CLEC2A: variants seen among roughly 807,000 people sequenced by gnomAD.
The protein encoded by CLEC2A is keratinocyte-associated C-type lectin.
In CLEC2A, 19 loss-of-function variants were observed where a neutral mutation model predicts 18.6. That is an observed-to-expected ratio of 1.02 (90% CI 0.71 to 1.50). The LOEUF (loss-of-function observed/expected upper bound fraction) is 1.50, where lower values mean the gene tolerates loss of function less well. Among genes scored for constraint, CLEC2A ranks in the 40% most tolerant of loss-of-function variants. The pLI, the probability that CLEC2A is intolerant of heterozygous loss-of-function variation, is 0.00. For synonymous variants in CLEC2A, 74 were observed against 64.0 expected (o/e 1.16, Z -0.75); for missense variants, 190 against 207.9 (o/e 0.91, Z 0.53).
intron 1 of CLEC2A, 34 bp downstream of exon 1, chr12:9,932,241 T>C (rs537899476): frequency 6.9e-7 from 1 of 1,440,102 alleles, no homozygotes; most frequent in African/African-American, 1.4e-5. Flanking sequence ...TTATCTTTCC[T>C]TTACTTCCTT....
rs148211949 is a variant in CLEC2A at position 9,907,137 on chromosome 12, C to T, written c.411-8161G>A. ...CACCCACTTGTACTAGGTTTAAAAC[C>T]TTTGACAGGAAGGCTACAGGCTGCC... On this transcript the variant is annotated intron_variant, in intron 4 of 4. Coordinates refer to the CLEC2A transcript ENST00000339766. 8.5e-5 allele frequency among the ~76,000 whole-genome samples: 13 copies of T among 152,246 alleles called. No individual in the cohort carries two copies. In the East Asian group the frequency reaches 2.1e-3, roughly 25 times the overall value.
the CLEC2A span, among the ~76,000 whole-genome samples, chr12:9,880,534 G>A: frequency 6.6e-6 from 1 of 152,072 alleles, no homozygotes; most frequent in South Asian, 2.1e-4. Context: ...GTGTGTGTGT[G>A]TGTGTGTGTG....
chr12:9,884,923 C>G, the CLEC2A span: 2 of 958,002 alleles, frequency 2.1e-6, no homozygotes, highest in Non-Finnish European at 2.9e-6. Context: ...TTCTAAAATT[C>G]AACATTTCAG....
intron 1 of CLEC2A, among the ~76,000 whole-genome samples, chr12:9,929,695 A>C (rs1565536850): frequency 6.6e-6 from 1 of 152,192 alleles, no homozygotes; most frequent in African/African-American, 2.4e-5. Flanking sequence ...TTTCATAAGA[A>C]GATGAGTCTG....
In CLEC2A at chr12:9,926,388, C is replaced by T. The variant is rs561051886; in HGVS notation, c.56-45G>A. The T allele has an allele frequency of 1.3e-5, 15 of 1,187,506 alleles. No individual in the cohort carries two copies. In the South Asian group the frequency reaches 1.8e-4, roughly 14 times the overall value. The allele number at this position is 1,187,506 out of a possible 1,614,324, so 73.6% of individuals were successfully genotyped here. A position where few individuals can be genotyped will look rare whatever the true frequency, so the allele number is the denominator to read the frequency against. ...ATATTTTACAATTTCTGAATAAACA[C>T]TGACTCGATATTATTACTGGTGTAT... On this transcript the variant is annotated intron_variant, in intron 1 of 4. Coordinates refer to ENST00000455827, the MANE Select transcript of CLEC2A (RefSeq NM_001130711.2).
At chr12:9,884,949 C>T in the CLEC2A span, 17 of 1,247,988 alleles carry the variant, frequency 1.4e-5, no homozygotes, top group Middle Eastern at 4.0e-4. Flanking sequence ...TCCCTATATC[C>T]ACAATATTAT....
chr12:9,889,292 G>A, the CLEC2A span, among the ~76,000 whole-genome samples: 3 of 152,178 alleles, frequency 2.0e-5, no homozygotes, highest in Admixed American at 6.5e-5. Context: ...TTAATTTTCT[G>A]TGTCAACTTG....
At chr12:9,897,485 G>A (rs779382087), downstream of CLEC2A, among the ~76,000 whole-genome samples, 1 of 151,376 alleles carries the variant, frequency 6.6e-6, no homozygotes, top group Non-Finnish European at 1.5e-5. Context: ...CTTGTCACAC[G>A]ACCAGGAAAA....
downstream of CLEC2A, among the ~76,000 whole-genome samples, chr12:9,896,197 A>G (rs1862753866): frequency 6.6e-6 from 1 of 152,202 alleles, no homozygotes; most frequent in Admixed American, 6.5e-5. Flanking sequence ...GGAAGGAAAG[A>G]AGCAGTATAT....
chr12:9,897,147 A>C (rs1862765838), downstream of CLEC2A, among the ~76,000 whole-genome samples: 1 of 152,214 alleles, frequency 6.6e-6, no homozygotes, highest in Non-Finnish European at 1.5e-5. Context: ...GGCATGAGCC[A>C]CCGTGTCTAG....
the CLEC2A span, among the ~76,000 whole-genome samples, chr12:9,889,695 T>C: frequency 6.6e-6 from 1 of 151,760 alleles, no homozygotes; most frequent in South Asian, 2.1e-4. Flanking sequence ...TATACACACA[T>C]ATATACATAT....
chr12:9,884,938 C>T, the CLEC2A span: 5 of 1,143,560 alleles, frequency 4.4e-6, no homozygotes, highest in African/African-American at 6.4e-5. Flanking sequence ...TTTCAGATTT[C>T]TCCCTATATC....
chr12:9,889,787 A>G, the CLEC2A span, among the ~76,000 whole-genome samples: 1 of 152,054 alleles, frequency 6.6e-6, no homozygotes, highest in Non-Finnish European at 1.5e-5. Flanking sequence ...GTGGATAAGA[A>G]CATAGGCTAT....
chr12:9,887,907 TTAGCTGGGTG>T, the CLEC2A span, among the ~76,000 whole-genome samples: 1 of 150,884 alleles, frequency 6.6e-6, no homozygotes, highest in Non-Finnish European at 1.5e-5. Flanking sequence ...TACACAAAAA[TTAGCTGGGTG>T]TGGAAGTGTG....
intron 4 of CLEC2A, among the ~76,000 whole-genome samples, chr12:9,901,175 T>G (rs1379682395): frequency 1.3e-5 from 2 of 152,240 alleles, no homozygotes; most frequent in Non-Finnish European, 2.9e-5. Context: ...ATGTTTTGCT[T>G]GACATTCGTG....
the CLEC2A span, among the ~76,000 whole-genome samples, chr12:9,884,038 A>G: frequency 3.0e-4 from 45 of 152,306 alleles, no homozygotes; most frequent in Admixed American, 2.2e-3. Context: ...CAAACTGACT[A>G]AAATGATTGT....
Position 9,913,673 on chromosome 12 carries a change from T to C in CLEC2A, c.418A>G (p.Ile140Val). The C allele has an allele frequency of 6.5e-7, 1 of 1,543,696 alleles. No homozygotes were observed. The change falls in exon 5 of 5, where the codon ATT (isoleucine) becomes GTT (valine). Residue 140 changes from isoleucine to valine, a missense_variant. By Grantham distance (29) the Ile-to-Val change is conservative. Transcript: ENST00000455827. ...AAAGCAAAGGATCCGTTCCCTATAA[T>C]TTCAAACCTGAAAAAGAACACTCTA... The part of the protein sequence containing the change: ...NGTTFNGWFE[I>V]IGNGSFAFLS...
chr12:9,910,570 C>T (rs910041799), downstream of CLEC2A, among the ~76,000 whole-genome samples: 1 of 152,204 alleles, frequency 6.6e-6, no homozygotes, highest in Admixed American at 6.5e-5. Context: ...TTGCAATCTT[C>T]TCCTTTTGTT....
Position 9,922,049 on chromosome 12 carries a change from CTT to C in CLEC2A, c.306+15_306+16del, listed in dbSNP as rs1207368152. 2 of 1,515,472 alleles carry C rather than the reference CTT, an allele frequency of 1.3e-6. No individual in the cohort carries two copies. The highest frequency in any genetic ancestry group is 1.8e-6 in the Non-Finnish European group (2 of 1,129,412). 93.9% of individuals were successfully genotyped at this position (1,515,472 alleles called of 1,614,324 possible). ...AAACAATCTCTGAAATTACTGAAGA[CTT>C]TTCTGTTTTCTTACCATGTCTTCTT... On this transcript the variant is annotated intron_variant, in intron 3 of 4. Transcript: ENST00000455827.
Sources: gnomAD v4.1 joint callset for allele counts (sites outside exome capture counted in the v4.1 genomes callset) on GRCh38, gnomAD v4.1.1 for gene constraint, MANE v1.5 for transcripts, NCBI Gene and HGNC (gene_info 2026-07-23, HGNC 2026-07-21) for gene names.